Variants in TENM2 observed in about 807,000 individuals in gnomAD.
TENM2 encodes teneurin transmembrane protein 2, also known as teneurin-2.
In TENM2, 52 loss-of-function variants were observed where a neutral mutation model predicts 245.2. The observed-to-expected ratio is 0.21, with a 90% CI of 0.17 to 0.27. TENM2 has a LOEUF of 0.27. Among genes scored for constraint, TENM2 ranks in the 10% least tolerant of loss-of-function variants. The pLI is 1.00. For missense variants in TENM2, 3,046 were observed against 3,666.8 expected (o/e 0.83, Z 4.37); for synonymous variants, 1,363 against 1,438.9 (o/e 0.95, Z 1.19).
At chr5:167,240,650 G>T in the TENM2 span, among the ~76,000 whole-genome samples, 1 of 151,956 alleles carries the variant, frequency 6.6e-6, no homozygotes, top group Admixed American at 6.6e-5. Context: ...TTCACGTTTT[G>T]GTTTTTCTGT....
At chr5:167,026,871 G>A in the TENM2 span, among the ~76,000 whole-genome samples, 20 of 152,228 alleles carry the variant, frequency 1.3e-4, no homozygotes, top group Admixed American at 6.5e-4. Context: ...TTTGGAAAAT[G>A]GTAGCAACAT....
chr5:168,186,328 G>A (rs1158436159), intron 13 of TENM2: 1 of 152,164 alleles, frequency 6.6e-6, no homozygotes, highest in Non-Finnish European at 1.5e-5. Context: ...TTTATCAAAA[G>A]CAATAAATAG....
intron 3 of TENM2, among the ~76,000 whole-genome samples, chr5:167,878,361 G>C (rs958675696): frequency 6.6e-6 from 1 of 152,124 alleles, no homozygotes; most frequent in Non-Finnish European, 1.5e-5. Flanking sequence ...GAAAATTTAA[G>C]GGTCCATTTT....
At chr5:168,086,979 GCCAGCT>G (rs1321831497) in intron 7 of TENM2, among the ~76,000 whole-genome samples, 1 of 152,192 alleles carries the variant, frequency 6.6e-6, no homozygotes, top group African/African-American at 2.4e-5. Flanking sequence ...CTCCTTGCAA[GCCAGCT>G]TCTCACTGGC....
At chr5:168,055,325 G>T (rs1789444289) in intron 6 of TENM2, among the ~76,000 whole-genome samples, 1 of 152,196 alleles carries the variant, frequency 6.6e-6, no homozygotes, top group Non-Finnish European at 1.5e-5. Flanking sequence ...ACCCAACATT[G>T]CTTAGGACAT....
At chr5:167,441,745 C>G (rs550634837) in intron 2 of TENM2, among the ~76,000 whole-genome samples, 1 of 152,294 alleles carries the variant, frequency 6.6e-6, no homozygotes, top group African/African-American at 2.4e-5. Context: ...CTGAAGAAGT[C>G]TTTCTCTACT....
intron 2 of TENM2, among the ~76,000 whole-genome samples, chr5:167,750,636 T>G (rs1322903169): frequency 6.6e-6 from 1 of 152,146 alleles, no homozygotes; most frequent in Non-Finnish European, 1.5e-5. Flanking sequence ...TCTAGACCTC[T>G]GGGAGCCTTT....
At chr5:168,198,777 A>T in intron 15 of TENM2, 76 bp from the exon 18 acceptor site, 1 of 1,540,768 alleles carries the variant, frequency 6.5e-7, no homozygotes, top group Admixed American at 1.7e-5. Context: ...CATGGCCATC[A>T]GGGGAGGAGG....
chr5:166,990,604 G>A, the TENM2 span, among the ~76,000 whole-genome samples: 489 of 151,528 alleles, frequency 3.2e-3, 13 homozygotes, highest in South Asian at 0.057. Flanking sequence ...TGGGGAATTC[G>A]GAGATGGTTT....
At chr5:166,993,139 C>T in the TENM2 span, among the ~76,000 whole-genome samples, 2 of 152,118 alleles carry the variant, frequency 1.3e-5, no homozygotes, top group South Asian at 2.1e-4. Flanking sequence ...TTGAAATTCC[C>T]GTAGAGAGCT....
At chr5:168,039,254 C>T (rs1787973031) in intron 5 of TENM2, among the ~76,000 whole-genome samples, 1 of 152,170 alleles carries the variant, frequency 6.6e-6, no homozygotes, top group African/African-American at 2.4e-5. Flanking sequence ...GTCTTCTTTC[C>T]TTTGTAGTCA....
intron 2 of TENM2, among the ~76,000 whole-genome samples, chr5:167,566,428 A>T (rs1173236108): frequency 6.6e-6 from 1 of 152,148 alleles, no homozygotes; most frequent in Non-Finnish European, 1.5e-5. Flanking sequence ...CAGCATCAGA[A>T]ATTGCACTGT....
chr5:167,807,168 A>G (rs1293107137), intron 2 of TENM2, among the ~76,000 whole-genome samples: 1 of 140,486 alleles, frequency 7.1e-6, no homozygotes, highest in Non-Finnish European at 1.5e-5. Context: ...AAGAAGAAGA[A>G]GTTTTTGTCA....
At chr5:167,563,542 C>T (rs1202744140) in intron 2 of TENM2, among the ~76,000 whole-genome samples, 1 of 152,132 alleles carries the variant, frequency 6.6e-6, no homozygotes, top group African/African-American at 2.4e-5. Flanking sequence ...TCAGCATTGC[C>T]ATTAAATATA....
intron 7 of TENM2, among the ~76,000 whole-genome samples, chr5:168,063,525 C>T (rs1284978479): frequency 6.6e-6 from 1 of 151,906 alleles, no homozygotes; most frequent in Non-Finnish European, 1.5e-5. Context: ...AGGAAAAAAC[C>T]CAAAACATGC....
chr5:168,215,519 A>T (rs1056146388), intron 21 of TENM2, among the ~76,000 whole-genome samples: 2 of 152,162 alleles, frequency 1.3e-5, no homozygotes, highest in Non-Finnish European at 1.5e-5. Flanking sequence ...ATTACAAAAA[A>T]TTAGCCGGGC....
intron 1 of TENM2, among the ~76,000 whole-genome samples, chr5:167,321,787 T>TA (rs1561861114): frequency 6.0e-4 from 21 of 35,040 alleles, no homozygotes; most frequent in African/African-American, 2.2e-3. Context: ...CTTGGCTTAT[T>TA]TTTTTTTTTT....
At chr5:167,927,092 T>TTG (rs371670694) in intron 3 of TENM2, among the ~76,000 whole-genome samples, 149 of 151,912 alleles carry the variant, frequency 9.8e-4, no homozygotes, top group African/African-American at 3.1e-3. Context: ...ATGCCTGCAT[T>TTG]TGTGTGTGTG....
At chr5:167,929,771 G>T (rs1436821919) in intron 3 of TENM2, among the ~76,000 whole-genome samples, 1 of 152,188 alleles carries the variant, frequency 6.6e-6, no homozygotes, top group Non-Finnish European at 1.5e-5. Context: ...CTACATGGGA[G>T]AGTGGATTCT....
Sources: gnomAD v4.1 joint callset for allele counts (sites outside exome capture counted in the v4.1 genomes callset) on GRCh38, gnomAD v4.1.1 for gene constraint, MANE v1.5 for transcripts, NCBI Gene and HGNC (gene_info 2026-07-23, HGNC 2026-07-21) for gene names.